The following TTLL7 variants were observed in gnomAD, a reference collection of about 807,000 sequenced individuals.
The protein encoded by TTLL7 is tubulin polyglutamylase TTLL7.
TTLL7 carries 53 observed loss-of-function variants against 120.2 expected under a neutral mutation model. The ratio of observed to expected loss-of-function variants is 0.44; its 90% CI spans 0.35 to 0.55. TTLL7 has a LOEUF of 0.55. TTLL7 is among the 20% of genes least tolerant of loss of function. The pLI, the probability that TTLL7 is intolerant of heterozygous loss-of-function variation, is 0.00. For missense variants in TTLL7, 803 were observed against 1,054.7 expected (o/e 0.76, Z 3.31); for synonymous variants, 353 against 351.7 (o/e 1.00, Z -0.04).
At chr1:83,891,417 G>T (rs1487879910) in intron 18 of TTLL7, among the ~76,000 whole-genome samples, 1 of 152,092 alleles carries the variant, frequency 6.6e-6, no homozygotes, top group African/African-American at 2.4e-5. Context: ...ACAATATCAA[G>T]TGCTAGAGAG....
intron 7 of TTLL7, among the ~76,000 whole-genome samples, chr1:83,939,435 T>C (rs1423611622): frequency 1.3e-5 from 2 of 152,184 alleles, no homozygotes; most frequent in Admixed American, 6.5e-5. Context: ...AACTTTGCAT[T>C]TTTCTTAAAC....
At chr1:83,881,727 C>G (rs1654496662) in intron 20 of TTLL7, among the ~76,000 whole-genome samples, 1 of 151,348 alleles carries the variant, frequency 6.6e-6, no homozygotes, top group Non-Finnish European at 1.5e-5. Flanking sequence ...ACCCAGCCAT[C>G]CCATTACTGG....
At chr1:83,981,759 G>A (rs1047428068) in intron 1 of TTLL7, among the ~76,000 whole-genome samples, 2 of 151,788 alleles carry the variant, frequency 1.3e-5, no homozygotes, top group African/African-American at 4.8e-5. Flanking sequence ...GTGAACCCGG[G>A]GGCGGAGCTT....
chr1:83,930,215 T>G (rs1250156547), intron 9 of TTLL7, among the ~76,000 whole-genome samples: 1 of 152,198 alleles, frequency 6.6e-6, no homozygotes, highest in African/African-American at 2.4e-5. Context: ...GTATACATAT[T>G]TAAAATATTC....
At chr1:83,972,287 TG>T in intron 1 of TTLL7, among the ~76,000 whole-genome samples, 1 of 152,192 alleles carries the variant, frequency 6.6e-6, no homozygotes, top group African/African-American at 2.4e-5. Context: ...TCCCAACCCC[TG>T]GCAACCACTG....
chr1:83,892,443 TATGAATGAAC>T lies in TTLL7; in HGVS notation c.2209-1972_2209-1963del, dbSNP rs1226178787. Among the ~76,000 whole-genome samples, 218 of 138,828 alleles carry T rather than the reference TATGAATGAAC, an allele frequency of 1.6e-3. 34 individuals carry two copies. Among genetic ancestry groups the T allele is most frequent in the African/African-American group, 1.8e-3 (64 of 34,894 alleles). 91.1% of individuals were successfully genotyped at this position (138,828 alleles called of 152,430 possible). A position where few individuals can be genotyped will look rare whatever the true frequency, so the allele number is the denominator to read the frequency against. ...ATATATATGAACATATATATGAACA[TATGAATGAAC>T]ATATATGAACATATATATGAACATA... On this transcript the variant is annotated intron_variant, in intron 18 of 20. Coordinates refer to ENST00000260505, the MANE Select transcript of TTLL7 (RefSeq NM_024686.6).
intron 6 of TTLL7, among the ~76,000 whole-genome samples, chr1:83,945,827 A>G (rs2100849572): frequency 6.6e-6 from 1 of 152,164 alleles, no homozygotes; most frequent in Admixed American, 6.5e-5. Context: ...TACCATCAGA[A>G]ACATTCCTTT....
chr1:83,949,562 G>A (rs535342179), intron 4 of TTLL7: 9 of 277,502 alleles, frequency 3.2e-5, no homozygotes, highest in South Asian at 2.3e-4. Flanking sequence ...TCTTGACCTC[G>A]TGATCCACCC....
intron 18 of TTLL7, among the ~76,000 whole-genome samples, chr1:83,903,781 C>G (rs543253981): frequency 1.3e-5 from 2 of 151,784 alleles, no homozygotes; most frequent in African/African-American, 4.8e-5. Context: ...TCCATGGATG[C>G]GAAACCCACA....
chr1:83,907,848 G>A (rs1416543176), intron 15 of TTLL7, among the ~76,000 whole-genome samples, 187 bp from the exon 16 acceptor site: 1 of 152,122 alleles, frequency 6.6e-6, no homozygotes, highest in Non-Finnish European at 1.5e-5. Context: ...ACTTGTTGCA[G>A]AAGAACCCCT....
chr1:83,965,310 TG>T (rs1224668273), intron 1 of TTLL7, among the ~76,000 whole-genome samples: 1 of 152,076 alleles, frequency 6.6e-6, no homozygotes, highest in African/African-American at 2.4e-5. Flanking sequence ...CACTTGTTCT[TG>T]TGATAGTGAG....
rs558890194 is a variant in TTLL7 at position 83,963,752 on chromosome 1, T to C, written c.-176-11365A>G. On this transcript the variant is annotated intron_variant, in intron 1 of 20. Transcript: ENST00000260505. ...CATGAGCTAAACTGCTGAGCTACTA[T>C]ATCAGGGGAATACAGTTCTCTAGAG... 5.9e-4 allele frequency among the ~76,000 whole-genome samples: 90 copies of C among 152,250 alleles called. 1 individual carries two copies. The highest frequency in any genetic ancestry group is 2.1e-3 in the African/African-American group (87 of 41,566).
chr1:83,871,458 GAAATGCTA>G (rs1653387200), intron 20 of TTLL7, among the ~76,000 whole-genome samples: 5 of 152,142 alleles, frequency 3.3e-5, no homozygotes. Flanking sequence ...TGATGAGGAG[GAAATGCTA>G]TAAAATCAGG....
At chr1:83,892,086 C>A (rs1655526816) in intron 18 of TTLL7, among the ~76,000 whole-genome samples, 1 of 151,694 alleles carries the variant, frequency 6.6e-6, no homozygotes, top group South Asian at 2.1e-4. Context: ...ACCATGGTCA[C>A]CCAAAATGCT....
chr1:83,993,423 G>A (rs1029788868), intron 1 of TTLL7, among the ~76,000 whole-genome samples: 3 of 152,118 alleles, frequency 2.0e-5, no homozygotes, highest in African/African-American at 4.8e-5. Context: ...TAGACATGGC[G>A]CCAGCTCACA....
intron 20 of TTLL7, among the ~76,000 whole-genome samples, chr1:83,870,596 A>G (rs1449282660): frequency 6.6e-6 from 1 of 152,204 alleles, no homozygotes; most frequent in African/African-American, 2.4e-5. Flanking sequence ...TTGACCATAG[A>G]GTGCTCATGA....
rs532133407 is a variant in TTLL7 at position 83,916,870 on chromosome 1, G to A, written c.1587+734C>T. On this transcript the variant is annotated intron_variant, in intron 14 of 20. Transcript: ENST00000260505. ...TTTGGTAGGCCAAGGCAGGAGGATC[G>A]CCTGAAACCAGGGGTTCAAGACCAG... Among the ~76,000 whole-genome samples the A allele has an allele frequency of 1.7e-4, 26 of 152,092 alleles. No homozygotes were observed. In the South Asian group the frequency reaches 4.8e-3, roughly 28 times the overall value.
At chr1:83,886,690 T>C (rs984005031) in intron 19 of TTLL7, among the ~76,000 whole-genome samples, 17 of 152,032 alleles carry the variant, frequency 1.1e-4, no homozygotes, top group Non-Finnish European at 2.2e-4. Context: ...CTTTAGGGTT[T>C]ACATATTGGA....
At chr1:83,892,384 A>ATATATACGAATATATATG in intron 18 of TTLL7, among the ~76,000 whole-genome samples, 1 of 31,214 alleles carries the variant, frequency 3.2e-5, no homozygotes, top group South Asian at 7.8e-4. Flanking sequence ...ATATATGAAT[A>ATATATACGAATATATATG]TATATACGAA....
Sources: gnomAD v4.1 joint callset for allele counts (sites outside exome capture counted in the v4.1 genomes callset) on GRCh38, gnomAD v4.1.1 for gene constraint, MANE v1.5 for transcripts, NCBI Gene and HGNC (gene_info 2026-07-23, HGNC 2026-07-21) for gene names.